NAALADL2: variants seen among roughly 807,000 people sequenced by gnomAD.
The protein encoded by NAALADL2 is N-acetylated alpha-linked acidic dipeptidase like 2, also known as inactive N-acetylated-alpha-linked acidic dipeptidase-like protein 2.
NAALADL2 carries 76 observed loss-of-function variants against 87.2 expected under a neutral mutation model. The observed-to-expected ratio is 0.87, with a 90% CI of 0.72 to 1.05. NAALADL2 has a LOEUF of 1.05. Among genes scored for constraint, NAALADL2 ranks in the 50% least tolerant of loss-of-function variants. The pLI is 0.00. For synonymous variants in NAALADL2, 354 were observed against 331.0 expected, an observed-to-expected ratio of 1.07 and a Z score of -0.75; for missense variants, 1,089 against 945.8, an observed-to-expected ratio of 1.15 and a Z score of -1.99.
intron 11 of NAALADL2, among the ~76,000 whole-genome samples, chr3:175,719,181 G>T (rs1237853348): frequency 2.0e-5 from 3 of 151,520 alleles, no homozygotes; most frequent in Non-Finnish European, 4.4e-5. Flanking sequence ...GCAATGTCTG[G>T]AGACATCTTT....
chr3:174,913,233 C>T (rs776768058), intron 1 of NAALADL2, among the ~76,000 whole-genome samples: 1 of 152,112 alleles, frequency 6.6e-6, no homozygotes, highest in Non-Finnish European at 1.5e-5. Context: ...GAAGGGTTTA[C>T]ATAATTGCTA....
At chr3:174,462,931 A>T (rs558756771) in intron 1 of NAALADL2, among the ~76,000 whole-genome samples, 1 of 152,230 alleles carries the variant, frequency 6.6e-6, no homozygotes, top group Non-Finnish European at 1.5e-5. Context: ...GAGTTCTGTC[A>T]TATCATTATA....
intron 5 of NAALADL2, among the ~76,000 whole-genome samples, chr3:175,406,873 G>C (rs1712491539): frequency 1.3e-5 from 2 of 151,772 alleles, no homozygotes; most frequent in South Asian, 2.1e-4. Context: ...AAAAATCATA[G>C]ATTTTTGCAT....
At chr3:175,666,959 A>G (rs1733084784) in intron 11 of NAALADL2, among the ~76,000 whole-genome samples, 1 of 152,018 alleles carries the variant, frequency 6.6e-6, no homozygotes, top group Admixed American at 6.6e-5. Context: ...TAGTTTTCAG[A>G]CATATATACT....
chr3:175,392,042 T>C (rs1255089087), intron 5 of NAALADL2, among the ~76,000 whole-genome samples: 2 of 152,200 alleles, frequency 1.3e-5, no homozygotes, highest in East Asian at 3.8e-4. Flanking sequence ...TTTGGAGATA[T>C]TAAGAAATGT....
chr3:175,263,653 A>G (rs924503928), intron 4 of NAALADL2, among the ~76,000 whole-genome samples: 12 of 151,836 alleles, frequency 7.9e-5, no homozygotes, highest in African/African-American at 2.4e-4. Flanking sequence ...AATATTAAAT[A>G]AAGGTGCTGA....
intron 11 of NAALADL2, among the ~76,000 whole-genome samples, chr3:175,719,552 A>C (rs1412867308): frequency 1.3e-5 from 2 of 152,300 alleles, no homozygotes; most frequent in Non-Finnish European, 2.9e-5. Flanking sequence ...ACAAATGCAA[A>C]CTGCTTTACA....
At chr3:175,482,401 A>G (rs1158522666) in intron 9 of NAALADL2, among the ~76,000 whole-genome samples, 1 of 90,756 alleles carries the variant, frequency 1.1e-5, no homozygotes, top group Non-Finnish European at 2.7e-5. Context: ...TTATTTCATC[A>G]AAAGCTTTTT....
intron 5 of NAALADL2, among the ~76,000 whole-genome samples, chr3:175,366,257 A>C (rs537338351): frequency 1.3e-5 from 2 of 150,452 alleles, no homozygotes; most frequent in Non-Finnish European, 3.0e-5. Flanking sequence ...CCAGTCTATC[A>C]TTGTTGGACA....
intron 2 of NAALADL2, among the ~76,000 whole-genome samples, chr3:174,557,094 A>G (rs993068206): frequency 1.3e-5 from 2 of 152,330 alleles, no homozygotes; most frequent in African/African-American, 4.8e-5. Context: ...TGTAATTGCT[A>G]TACAAAAACA....
chr3:175,499,143 A>G (rs1241998409), intron 9 of NAALADL2, among the ~76,000 whole-genome samples: 1 of 152,064 alleles, frequency 6.6e-6, no homozygotes, highest in Non-Finnish European at 1.5e-5. Context: ...CATTATTGGA[A>G]AACCCATACC....
At chr3:175,017,540 G>A (rs1329264936) in intron 1 of NAALADL2, among the ~76,000 whole-genome samples, 2 of 151,970 alleles carry the variant, frequency 1.3e-5, no homozygotes, top group African/African-American at 2.4e-5. Flanking sequence ...AGTGTGCCCT[G>A]GTTGATCCTC....
At chr3:175,323,247 C>A (rs1760168520) in intron 4 of NAALADL2, among the ~76,000 whole-genome samples, 1 of 145,476 alleles carries the variant, frequency 6.9e-6, no homozygotes, top group South Asian at 2.2e-4. Context: ...AACAAAAAAC[C>A]AAACACCGCA....
At chr3:174,738,005 T>C (rs1429864021) in intron 3 of NAALADL2, among the ~76,000 whole-genome samples, 2 of 152,214 alleles carry the variant, frequency 1.3e-5, no homozygotes, top group East Asian at 1.9e-4. Context: ...TGGTACAGTC[T>C]TCTTGTCTTG....
At chr3:174,996,536 T>C (rs572556222) in intron 1 of NAALADL2, among the ~76,000 whole-genome samples, 3 of 151,920 alleles carry the variant, frequency 2.0e-5, no homozygotes, top group African/African-American at 4.8e-5. Context: ...TCAGGTCACA[T>C]TGAATGCTTT....
intron 5 of NAALADL2, among the ~76,000 whole-genome samples, chr3:175,371,903 A>C (rs1294856870): frequency 6.6e-6 from 1 of 152,154 alleles, no homozygotes; most frequent in Non-Finnish European, 1.5e-5. Context: ...CCTTTAGGAA[A>C]ACTACATCCA....
intron 1 of NAALADL2, among the ~76,000 whole-genome samples, chr3:174,457,461 A>C (rs890813817): frequency 6.6e-6 from 1 of 152,176 alleles, no homozygotes; most frequent in Non-Finnish European, 1.5e-5. Flanking sequence ...AATGCCCCTT[A>C]GTGGTGGACT....
intron 13 of NAALADL2, among the ~76,000 whole-genome samples, chr3:175,786,989 C>A (rs1013454159): frequency 6.6e-6 from 1 of 151,994 alleles, no homozygotes; most frequent in Non-Finnish European, 1.5e-5. Context: ...TGTCAGAGTG[C>A]CCCTGCTGGG....
At chr3:174,836,043 A>G (rs1298317914) in intron 3 of NAALADL2, among the ~76,000 whole-genome samples, 3 of 152,174 alleles carry the variant, frequency 2.0e-5, no homozygotes, top group Admixed American at 6.5e-5. Flanking sequence ...ATCTTTGTAC[A>G]CTCATGTTCA....
Sources: allele counts gnomAD v4.1 joint callset (sites outside exome capture counted in the v4.1 genomes callset), GRCh38; gene constraint gnomAD v4.1.1; transcripts MANE v1.5; gene names NCBI Gene and HGNC (gene_info 2026-07-23, HGNC 2026-07-21).